The following GSE1 variants were observed in gnomAD, a reference collection of about 807,000 sequenced individuals.
GSE1 encodes the protein Gse1 coiled-coil protein, also known as genetic suppressor element 1.
GSE1 carries 32 observed loss-of-function variants against 112.6 expected under a neutral mutation model. The observed-to-expected ratio is 0.28, with a 90% CI of 0.21 to 0.38. GSE1 has a LOEUF of 0.38. Among genes scored for constraint, GSE1 ranks in the 10% least tolerant of loss-of-function variants. The pLI is 1.00. For missense variants in GSE1, 2,348 were observed against 1,699.2 expected, an observed-to-expected ratio of 1.38 and a Z score of -6.71; for synonymous variants, 1,115 against 735.6, an observed-to-expected ratio of 1.52 and a Z score of -8.35.
intron 2 of GSE1, among the ~76,000 whole-genome samples, chr16:85,399,365 C>T (rs577565531): frequency 3.3e-5 from 5 of 152,274 alleles, no homozygotes; most frequent in South Asian, 2.1e-4. Context: ...GTTCAGTCCA[C>T]GGGGGCTCCA....
At chr16:85,329,935 TG>T (rs902320848) in intron 1 of GSE1, among the ~76,000 whole-genome samples, 2 of 22,682 alleles carry the variant, frequency 8.8e-5, no homozygotes, top group African/African-American at 1.9e-4. Flanking sequence ...AAGAGGCTGG[TG>T]GGGGGGCAGG....
At chr16:85,214,410 G>C (rs1444949158) in intron 1 of GSE1, among the ~76,000 whole-genome samples, 1 of 152,220 alleles carries the variant, frequency 6.6e-6, no homozygotes, top group East Asian at 1.9e-4. Context: ...CGCAGACACA[G>C]GGTGCAGGCA....
At chr16:85,612,862 C>T (rs1427838022), upstream of GSE1, among the ~76,000 whole-genome samples, 2 of 152,214 alleles carry the variant, frequency 1.3e-5, no homozygotes, top group African/African-American at 4.8e-5. Context: ...TTCTAGGTTC[C>T]CGGGACGCAG....
At chr16:85,570,608 C>G (rs1374795008) in intron 1 of GSE1, among the ~76,000 whole-genome samples, 1 of 152,236 alleles carries the variant, frequency 6.6e-6, no homozygotes, top group Non-Finnish European at 1.5e-5. Context: ...GAGAGGTGGC[C>G]AGCGGGTCAG....
intron 1 of GSE1, among the ~76,000 whole-genome samples, chr16:85,255,637 T>A (rs1192074351): frequency 6.6e-6 from 1 of 151,990 alleles, no homozygotes; most frequent in African/African-American, 2.4e-5. Flanking sequence ...ACTCCTGACC[T>A]CGTGATCTGC....
chr16:85,655,517 G>A (rs1055648679), intron 5 of GSE1, among the ~76,000 whole-genome samples: 6 of 152,310 alleles, frequency 3.9e-5, no homozygotes, highest in Middle Eastern at 3.4e-3. Context: ...GGCAGGCGGC[G>A]CCCTGGAACC....
At chr16:85,326,036 C>T (rs547699003) in intron 1 of GSE1, among the ~76,000 whole-genome samples, 44 of 152,312 alleles carry the variant, frequency 2.9e-4, no homozygotes, top group Non-Finnish European at 4.7e-4. Context: ...TGTGAGCCAC[C>T]ACCCCCAGCT....
chr16:85,671,154 A>G lies in GSE1; in HGVS notation c.3519+56A>G, dbSNP rs1041084486. On this transcript the variant is annotated intron_variant, in intron 15 of 15. Transcript: ENST00000253458. Reference sequence around the variant, plus strand: ...CACGCAACCTTTTGAGTTTGGGTTCAGAAACACCCATGCAGATAAGTTTCA... The same window carrying G: ...CACGCAACCTTTTGAGTTTGGGTTCGGAAACACCCATGCAGATAAGTTTCA... The G allele has an allele frequency of 4.7e-5, 46 of 987,800 alleles. 1 individual carries two copies. The highest frequency in any genetic ancestry group is 7.1e-5 in the Non-Finnish European group (44 of 615,872). 61.2% of individuals were successfully genotyped at this position (987,800 alleles called of 1,614,324 possible).
At chr16:85,320,271 G>A (rs993993242) in intron 1 of GSE1, among the ~76,000 whole-genome samples, 7 of 152,272 alleles carry the variant, frequency 4.6e-5, no homozygotes, top group Middle Eastern at 3.4e-3. Context: ...TGAGTTAGCC[G>A]ACCTGTGTCA....
upstream of GSE1, chr16:85,555,814 T>TC (rs1392665728): frequency 1.1e-6 from 1 of 948,874 alleles, no homozygotes; most frequent in East Asian, 1.2e-4. Context: ...GTTTTTTTTT[T>TC]CTTTCCCCCC....
intron 2 of GSE1, among the ~76,000 whole-genome samples, chr16:85,364,809 T>C (rs2047154092): frequency 6.6e-6 from 1 of 152,024 alleles, no homozygotes; most frequent in Non-Finnish European, 1.5e-5. Flanking sequence ...CCCCAGCAAC[T>C]CTGTCCCCGG....
At chr16:85,192,612 C>T (rs143955098) in intron 1 of GSE1, among the ~76,000 whole-genome samples, 161 of 152,302 alleles carry the variant, frequency 1.1e-3, no homozygotes, top group African/African-American at 3.7e-3. Context: ...CCCCCTCACC[C>T]TTTTGTTCTT....
chr16:85,249,909 C>T (rs12927879), intron 1 of GSE1, among the ~76,000 whole-genome samples: 15,944 of 152,310 alleles, frequency 0.1, 964 homozygotes, highest in Middle Eastern at 0.18. Flanking sequence ...GCTGGTGATG[C>T]GGCAGGGCCG....
chr16:85,463,186 T>TG, intron 2 of GSE1: 1 of 864,142 alleles, frequency 1.2e-6, no homozygotes, highest in Non-Finnish European at 1.4e-6. Context: ...TGGAACTTTC[T>TG]GGGGCGCGCC....
intron 2 of GSE1, among the ~76,000 whole-genome samples, chr16:85,431,788 C>T (rs1368097617): frequency 3.9e-5 from 6 of 152,256 alleles, no homozygotes; most frequent in Admixed American, 6.5e-5. Context: ...CAGCCACCCA[C>T]GCACCCTCTC....
rs59804570 is a variant in GSE1, at chr16:85,657,153, T to A, written c.1313-124T>A. 801 of 652,384 alleles carry A rather than the reference T, an allele frequency of 1.2e-3. 8 individuals are homozygous for A. The African/African-American group carries it at 0.013, about 10-fold the overall frequency. 40.4% of individuals were successfully genotyped at this position (652,384 alleles called of 1,614,324 possible). On this transcript the variant is annotated intron_variant, in intron 7 of 15. Transcript: ENST00000253458. ...GGGCCCCTTCTGAATATCTTGGTTC[T>A]GGCTGCGGGAAGAACCCTTTGGAAG...
chr16:85,597,103 C>T (rs144167964), intron 1 of GSE1, among the ~76,000 whole-genome samples: 423 of 151,910 alleles, frequency 2.8e-3, no homozygotes, highest in Non-Finnish European at 4.8e-3. Flanking sequence ...CTCAGCCTCC[C>T]AAGTAGCTGG....
In GSE1 at chr16:85,305,475, T is replaced by G. The variant is rs58073484; in HGVS notation, c.2284-51988T>G. Among the ~76,000 whole-genome samples the G allele has an allele frequency of 3.6e-5, 4 of 110,986 alleles. No individual in the cohort carries two copies. In the Admixed American group the frequency reaches 3.8e-4, roughly 11 times the overall value. 72.8% of individuals were successfully genotyped at this position (110,986 alleles called of 152,430 possible). On this transcript the variant is annotated intron_variant, in intron 1 of 2. Coordinates refer to the GSE1 transcript ENST00000637419. Reference sequence around the variant, plus strand: ...GCATCAGTTTTTTGTTGTTTTTTTTTTTTTGTTTGTTTGTTTTGTTTTTGA... The same window carrying G: ...GCATCAGTTTTTTGTTGTTTTTTTTGTTTTGTTTGTTTGTTTTGTTTTTGA...
intron 1 of GSE1, among the ~76,000 whole-genome samples, chr16:85,193,311 G>A (rs902702937): frequency 1.3e-5 from 2 of 152,128 alleles, no homozygotes; most frequent in African/African-American, 4.8e-5. Context: ...ACATCTGCAT[G>A]AGTATTCCTG....
Sources: gnomAD v4.1 joint callset for allele counts (sites outside exome capture counted in the v4.1 genomes callset) on GRCh38, gnomAD v4.1.1 for gene constraint, MANE v1.5 for transcripts, NCBI Gene and HGNC (gene_info 2026-07-23, HGNC 2026-07-21) for gene names.